The following MCUB variants were observed in gnomAD, a reference collection of about 807,000 sequenced individuals.
MCUB encodes mitochondrial calcium uniporter dominant negative subunit beta, also known as calcium uniporter regulatory subunit MCUb, mitochondrial.
A neutral mutation model predicts 41.4 loss-of-function variants in MCUB; 46 were observed. The ratio of observed to expected loss-of-function variants is 1.11; its 90% CI spans 0.88 to 1.42. MCUB has a LOEUF of 1.42. Ranked by LOEUF, MCUB falls within the 40% of genes most tolerant of loss-of-function variation. The pLI is 0.00. For missense variants in MCUB, 403 were observed against 404.9 expected (o/e 1.00, Z 0.04); for synonymous variants, 148 against 148.2 (o/e 1.00, Z 0.01).
At chr4:109,597,048 G>C (rs1251934689) in intron 1 of MCUB, among the ~76,000 whole-genome samples, 3 of 151,438 alleles carry the variant, frequency 2.0e-5, no homozygotes, top group African/African-American at 7.3e-5. Flanking sequence ...CAGGGTTGGG[G>C]GTAAGGTCAC....
At chr4:109,619,760 G>A (rs1728214301) in intron 1 of MCUB, among the ~76,000 whole-genome samples, 2 of 152,090 alleles carry the variant, frequency 1.3e-5, no homozygotes, top group Non-Finnish European at 2.9e-5. Context: ...GTCTGTAATT[G>A]TATTTTGGGG....
intron 1 of MCUB, among the ~76,000 whole-genome samples, chr4:109,620,375 A>C (rs923517918): frequency 3.3e-5 from 5 of 151,706 alleles, no homozygotes; most frequent in African/African-American, 1.2e-4. Context: ...AGTACTAATT[A>C]TAATAAATTA....
At chr4:109,673,937 T>C (rs1020764956) in intron 4 of MCUB, 1 of 790,654 alleles carries the variant, frequency 1.3e-6, no homozygotes, top group Non-Finnish European at 2.3e-6. Context: ...TTCGTACCCA[T>C]TGGAATAGCA....
intron 1 of MCUB, among the ~76,000 whole-genome samples, chr4:109,650,258 C>T (rs889174962): frequency 6.6e-6 from 1 of 152,184 alleles, no homozygotes; most frequent in African/African-American, 2.4e-5. Flanking sequence ...TTAAGCTTTA[C>T]TAACATGTCT....
intron 4 of MCUB, among the ~76,000 whole-genome samples, chr4:109,666,678 G>A (rs190617135): frequency 1.3e-5 from 2 of 152,066 alleles, no homozygotes; most frequent in Non-Finnish European, 2.9e-5. Context: ...TTGGGATAAC[G>A]GTCTTGTATC....
chr4:109,641,243 C>T (rs1208569260), intron 1 of MCUB, among the ~76,000 whole-genome samples: 2 of 150,772 alleles, frequency 1.3e-5, no homozygotes, highest in Non-Finnish European at 2.9e-5. Context: ...TGGGCGCCCG[C>T]CATAACACCC....
At position 109,565,132 on chromosome 4, in the gene MCUB, G is replaced by A. The variant is rs144896111; in HGVS notation, c.99+4696G>A. Among the ~76,000 whole-genome samples the A allele has an allele frequency of 1.1e-4, 16 of 152,286 alleles. No homozygotes were observed. The East Asian group carries it at 2.9e-3, about 27-fold the overall frequency. ...CATCACTTTTTTCCCATTAAAAGAT[G>A]CTTATGGAAAAATGGGTGGTGATAT... On this transcript the variant is annotated intron_variant, in intron 1 of 7. Coordinates refer to ENST00000394650, the MANE Select transcript of MCUB (RefSeq NM_017918.5).
chr4:109,684,070 T>C (rs955704155), intron 5 of MCUB, among the ~76,000 whole-genome samples: 4 of 151,340 alleles, frequency 2.6e-5, no homozygotes, highest in Non-Finnish European at 5.9e-5. Flanking sequence ...CTTTTCTTTT[T>C]TTTTTTTTTT....
At chr4:109,648,723 GCAAAA>G in intron 1 of MCUB, 3 of 155,896 alleles carry the variant, frequency 1.9e-5, no homozygotes, top group African/African-American at 8.4e-5. Context: ...GTACAGAGAA[GCAAAA>G]AAAAAAAAAA....
intron 1 of MCUB, among the ~76,000 whole-genome samples, chr4:109,565,508 C>T (rs936119966): frequency 6.6e-6 from 1 of 152,142 alleles, no homozygotes; most frequent in African/African-American, 2.4e-5. Context: ...GTGAAGGTTC[C>T]TATGCCACAA....
chr4:109,647,040 C>A (rs1029519635), intron 1 of MCUB, among the ~76,000 whole-genome samples: 1 of 152,164 alleles, frequency 6.6e-6, no homozygotes, highest in Non-Finnish European at 1.5e-5. Flanking sequence ...TTTTTTACAG[C>A]AGTTTTAATT....
At chr4:109,685,684 T>C (rs1336109899) in intron 7 of MCUB, among the ~76,000 whole-genome samples, 1 of 152,234 alleles carries the variant, frequency 6.6e-6, no homozygotes, top group East Asian at 1.9e-4. Context: ...GTGAACACTG[T>C]GATAAGGAAC....
intron 1 of MCUB, among the ~76,000 whole-genome samples, chr4:109,574,745 T>G (rs1233318127): frequency 6.6e-6 from 1 of 152,188 alleles, no homozygotes; most frequent in African/African-American, 2.4e-5. Context: ...GCTGCACTCA[T>G]GAGCACTGCC....
chr4:109,618,847 T>G (rs1211072613), intron 1 of MCUB, among the ~76,000 whole-genome samples: 1 of 152,090 alleles, frequency 6.6e-6, no homozygotes, highest in East Asian at 1.9e-4. Context: ...ATAAATAAAA[T>G]TGCCAACATA....
intron 1 of MCUB, among the ~76,000 whole-genome samples, chr4:109,568,415 G>A (rs904334275): frequency 1.3e-5 from 2 of 152,040 alleles, no homozygotes; most frequent in African/African-American, 2.4e-5. Context: ...CCGTATCCCC[G>A]CTCTAGCGTG....
intron 1 of MCUB, among the ~76,000 whole-genome samples, chr4:109,577,132 G>A (rs902189086): frequency 4.6e-5 from 7 of 152,182 alleles, no homozygotes; most frequent in Non-Finnish European, 1.0e-4. Flanking sequence ...GATTACAGGC[G>A]TGAGCCACCA....
intron 1 of MCUB, among the ~76,000 whole-genome samples, chr4:109,602,453 AT>A: frequency 6.6e-6 from 1 of 152,322 alleles, no homozygotes; most frequent in East Asian, 1.9e-4. Flanking sequence ...CCCTGGCACC[AT>A]TTATTGAAGA....
chr4:109,598,296 C>G (rs553310375), intron 1 of MCUB, among the ~76,000 whole-genome samples: 1 of 151,994 alleles, frequency 6.6e-6, no homozygotes, highest in South Asian at 2.1e-4. Flanking sequence ...GCACTCCAGC[C>G]GGGGCACCAT....
intron 1 of MCUB, among the ~76,000 whole-genome samples, chr4:109,569,135 C>T (rs1405214845): frequency 2.6e-5 from 4 of 152,132 alleles, no homozygotes; most frequent in African/African-American, 9.7e-5. Context: ...CAAGCTCCGC[C>T]TCCCGGGTTC....
Sources: gnomAD v4.1 joint callset for allele counts (sites outside exome capture counted in the v4.1 genomes callset) on GRCh38, gnomAD v4.1.1 for gene constraint, MANE v1.5 for transcripts, NCBI Gene and HGNC (gene_info 2026-07-23, HGNC 2026-07-21) for gene names.